MYRFL: variants seen among roughly 807,000 people sequenced by gnomAD.
MYRFL encodes the protein myelin regulatory factor like.
A neutral mutation model predicts 109.4 loss-of-function variants in MYRFL; 88 were observed. The observed-to-expected ratio is 0.80, with a 90% CI of 0.68 to 0.96. MYRFL has a LOEUF of 0.96. Among genes scored for constraint, MYRFL ranks in the 40% least tolerant of loss-of-function variants. MYRFL has a pLI of 0.00. For synonymous variants in MYRFL, 324 were observed against 320.9 expected, an observed-to-expected ratio of 1.01 and a Z score of -0.10; for missense variants, 957 against 954.9, an observed-to-expected ratio of 1.00 and a Z score of -0.03.
chr12:69,904,025 C>T lies in MYRFL; in HGVS notation c.1383+181C>T. Reference sequence around the variant, plus strand: ...GGGCATCTCTGCTGAAATTGTAAAGCAGTTCCTCCCTGAGAGAATGGATTT... The same window carrying T: ...GGGCATCTCTGCTGAAATTGTAAAGTAGTTCCTCCCTGAGAGAATGGATTT... On this transcript the variant is annotated intron_variant, in intron 11 of 24. Transcript: ENST00000552032. 7 of 541,236 alleles carry T rather than the reference C, an allele frequency of 1.3e-5. 1 individual carries two copies. In the South Asian group the frequency reaches 2.1e-4, roughly 16 times the overall value. The allele number at this position is 541,236 out of a possible 1,614,324, so 33.5% of individuals were successfully genotyped here. A position where few individuals can be genotyped will look rare whatever the true frequency, so the allele number is the denominator to read the frequency against.
intron 8 of MYRFL, 44 bp downstream of exon 8, chr12:69,893,884 T>C: frequency 1.1e-6 from 1 of 903,734 alleles, no homozygotes; most frequent in East Asian, 3.5e-5. Flanking sequence ...GTTTTGTGAA[T>C]AAACACCTAC....
intron 11 of MYRFL, among the ~76,000 whole-genome samples, chr12:69,908,611 ACCT>A (rs1954455692): frequency 6.6e-6 from 1 of 151,952 alleles, no homozygotes; most frequent in Admixed American, 6.6e-5. Flanking sequence ...TATTTTCAAC[ACCT>A]CCTCAGAGCT....
intron 10 of MYRFL, among the ~76,000 whole-genome samples, chr12:69,898,679 A>G (rs1954083885): frequency 6.6e-6 from 1 of 152,272 alleles, no homozygotes; most frequent in African/African-American, 2.4e-5. Flanking sequence ...CAGAGTTAGC[A>G]TAGCTAAGAT....
intron 13 of MYRFL, among the ~76,000 whole-genome samples, chr12:69,919,636 G>A (rs963473720): frequency 2.0e-5 from 3 of 152,224 alleles, no homozygotes; most frequent in East Asian, 1.9e-4. Flanking sequence ...GGCCCAGTAC[G>A]CTCTCCACAA....
chr12:69,915,160 A>G (rs1374830903), intron 13 of MYRFL, among the ~76,000 whole-genome samples: 1 of 152,198 alleles, frequency 6.6e-6, no homozygotes, highest in East Asian at 1.9e-4. Flanking sequence ...TTGTAAAACA[A>G]GCAGTATGTA....
chr12:69,932,606 A>T lies in MYRFL; in HGVS notation c.1916+8A>T. ...TGCTGTGATGGCATTTTGGTAAGAA[A>T]AAGTTCACTGTTATGCCATGTCAAG... On this transcript the variant is annotated splice_region_variant and intron_variant, in intron 16 of 24. Transcript: ENST00000552032. The T allele has an allele frequency of 6.5e-7, 1 of 1,531,464 alleles. No homozygotes were observed. The highest frequency in any genetic ancestry group is 8.8e-7 in the Non-Finnish European group (1 of 1,142,660). 94.9% of individuals were successfully genotyped at this position (1,531,464 alleles called of 1,614,324 possible).
At chr12:69,848,906 C>G (rs889133239) in intron 1 of MYRFL, among the ~76,000 whole-genome samples, 2 of 152,176 alleles carry the variant, frequency 1.3e-5, no homozygotes. Flanking sequence ...AGATCTTGCT[C>G]TGTCACCCAG....
At chr12:69,912,553 A>C (rs1365569789) in intron 13 of MYRFL, among the ~76,000 whole-genome samples, 2 of 152,260 alleles carry the variant, frequency 1.3e-5, no homozygotes, top group African/African-American at 4.8e-5. Context: ...AGAATCATAG[A>C]GCATTTCTTT....
rs1409180591 is a variant in MYRFL at position 69,897,294 on chromosome 12, A to G, written c.1182+48A>G. The G allele has an allele frequency of 3.7e-6, 5 of 1,341,042 alleles. No individual in the cohort carries two copies. The Admixed American group carries it at 7.9e-5, about 21-fold the overall frequency. The allele number at this position is 1,341,042 out of a possible 1,614,324, so 83.1% of individuals were successfully genotyped here. A position where few individuals can be genotyped will look rare whatever the true frequency, so the allele number is the denominator to read the frequency against. ...TCTGGATCTCACATGCTTTCCTCCTATGTAGGCAGAATTTGAATTTTCAAT... is the reference window on the plus strand; with the variant it reads ...TCTGGATCTCACATGCTTTCCTCCTGTGTAGGCAGAATTTGAATTTTCAAT... On this transcript the variant is annotated intron_variant, in intron 10 of 24. Transcript: ENST00000552032.
At chr12:69,937,540 G>A (rs10879058) in intron 19 of MYRFL, among the ~76,000 whole-genome samples, 20,016 of 152,106 alleles carry the variant, frequency 0.13, 1,908 homozygotes, top group East Asian at 0.48. Flanking sequence ...CACAGTCTCC[G>A]TAGTAGTGGT....
intron 1 of MYRFL, among the ~76,000 whole-genome samples, chr12:69,840,771 G>A (rs1377519539): frequency 6.6e-6 from 1 of 152,146 alleles, no homozygotes; most frequent in Non-Finnish European, 1.5e-5. Context: ...GTTTCTGGAT[G>A]TTTTCTGCTG....
At chr12:69,938,695 A>C (rs542563709) in intron 19 of MYRFL, among the ~76,000 whole-genome samples, 2 of 152,360 alleles carry the variant, frequency 1.3e-5, no homozygotes, top group Admixed American at 6.5e-5. Context: ...TAAAATAAAG[A>C]TATAGGAATA....
rs1410179827 is a variant in MYRFL, at chr12:69,936,526, G to GT, written c.2119dup (p.Cys707LeufsTer25). On this transcript the variant is annotated frameshift_variant, in exon 19 of 25. Transcript: ENST00000552032. LOFTEE classifies it high-confidence loss of function. ...AAATTACTTTCTGTGAAATCCTGCC[G>GT]TGTCAGGAGACTTATTGCTGCCCCA... The GT allele has an allele frequency of 1.1e-5, 17 of 1,535,892 alleles. No homozygotes were observed. The African/African-American group carries it at 1.8e-4, about 16-fold the overall frequency.
chr12:69,862,472 G>T (rs1884745141), intron 2 of MYRFL, among the ~76,000 whole-genome samples: 1 of 151,240 alleles, frequency 6.6e-6, no homozygotes, highest in Admixed American at 6.6e-5. Context: ...CACATCCCTT[G>T]TAAGTTGGAT....
At chr12:69,873,612 G>A (rs1413742164) in intron 2 of MYRFL, among the ~76,000 whole-genome samples, 2 of 152,086 alleles carry the variant, frequency 1.3e-5, no homozygotes, top group Non-Finnish European at 2.9e-5. Context: ...GGTGGGTAGT[G>A]GATACAGTGT....
At chr12:69,878,440 A>G (rs1885831156) in intron 2 of MYRFL, among the ~76,000 whole-genome samples, 1 of 152,080 alleles carries the variant, frequency 6.6e-6, no homozygotes, top group African/African-American at 2.4e-5. Flanking sequence ...CAGTATGTAC[A>G]ACCATTTTTT....
chr12:69,868,137 C>T (rs1156698586), intron 2 of MYRFL, among the ~76,000 whole-genome samples: 3 of 146,468 alleles, frequency 2.0e-5, no homozygotes, highest in East Asian at 2.0e-4. Flanking sequence ...GACGGAGTCT[C>T]GCTCTGTTGC....
At chr12:69,957,474 C>G (rs1464217318) in intron 22 of MYRFL, among the ~76,000 whole-genome samples, 1 of 152,044 alleles carries the variant, frequency 6.6e-6, no homozygotes, top group Non-Finnish European at 1.5e-5. Flanking sequence ...GTCTGTAATC[C>G]CAGCACTTTG....
intron 1 of MYRFL, among the ~76,000 whole-genome samples, chr12:69,838,969 G>A (rs891662345): frequency 1.3e-5 from 2 of 152,194 alleles, no homozygotes; most frequent in East Asian, 3.8e-4. Context: ...AAAGCCACAA[G>A]TGCAGCTCTC....
Sources: allele counts gnomAD v4.1 joint callset (sites outside exome capture counted in the v4.1 genomes callset), GRCh38; gene constraint gnomAD v4.1.1; transcripts MANE v1.5; gene names NCBI Gene and HGNC (gene_info 2026-07-23, HGNC 2026-07-21).